Variants in SLC25A53 observed in about 807,000 individuals in gnomAD.
SLC25A53 encodes mitochondrial carrier triple repeat protein 6.
A neutral mutation model predicts 15.0 loss-of-function variants in SLC25A53; 5 were observed. The observed-to-expected ratio is 0.33, with a 90% confidence interval of 0.17 to 0.70. The LOEUF (loss-of-function observed/expected upper bound fraction) is 0.70, where lower values mean the gene tolerates loss of function less well. Ranked by LOEUF, SLC25A53 falls within the 30% of genes least tolerant of loss-of-function variation. SLC25A53 has a pLI of 0.67. For synonymous variants in SLC25A53, 95 were observed against 100.0 expected, an observed-to-expected ratio of 0.95 and a Z score of 0.30; for missense variants, 216 against 241.6, an observed-to-expected ratio of 0.89 and a Z score of 0.70.
Position 104,121,876 on chromosome X carries a change from TATATATATATATATATATATA to T in SLC25A53, c.-31-16609_-31-16589del, listed in dbSNP as rs1208816020. On this transcript the variant is annotated intron_variant, in intron 1 of 1. Transcript: ENST00000594199. Reference sequence around the variant, plus strand: ...CTAGACATCACATCAAATGGTATGATATATATATATATATATATATATATATATATATATATATATATATAT... The same window carrying T: ...CTAGACATCACATCAAATGGTATGATTATATATATATATATATATATATAT... Among the ~76,000 whole-genome samples, 96 of 49,778 alleles carry T rather than the reference TATATATATATATATATATATA, an allele frequency of 1.9e-3. 7 individuals are homozygous for T. Among genetic ancestry groups the T allele is most frequent in the African/African-American group, 3.9e-3 (44 of 11,306 alleles). The allele number at this position is 49,778 out of a possible 115,157, so 43.2% of individuals were successfully genotyped here. A position where few individuals can be genotyped will look rare whatever the true frequency, so the allele number is the denominator to read the frequency against.
chrX:104,115,371 G>A, intron 1 of SLC25A53: 2 of 1,059,881 alleles, frequency 1.9e-6, no homozygotes, highest in Non-Finnish European at 2.5e-6. Context: ...TCAGAGTCTG[G>A]TAATGGGAAT....
chrX:104,130,807 C>T (rs1169894678), intron 1 of SLC25A53: 1 of 111,829 alleles, frequency 8.9e-6, no homozygotes, highest in African/African-American at 3.3e-5. Flanking sequence ...CCTCCCACTC[C>T]ATCAGATCTT....
intron 1 of SLC25A53, among the ~76,000 whole-genome samples, chrX:104,153,974 A>G (rs1556370919): frequency 8.9e-6 from 1 of 112,340 alleles, no homozygotes; most frequent in Admixed American, 9.4e-5. Flanking sequence ...AAATAACAAA[A>G]GCAAAACTAG....
intron 1 of SLC25A53, among the ~76,000 whole-genome samples, chrX:104,123,628 A>G: frequency 9.1e-6 from 1 of 110,048 alleles, no homozygotes. Flanking sequence ...CAGGTTACAT[A>G]GGTATACACG....
chrX:104,147,104 G>C (rs1556369257), intron 1 of SLC25A53, among the ~76,000 whole-genome samples: 2 of 111,438 alleles, frequency 1.8e-5, no homozygotes, highest in African/African-American at 6.5e-5. Flanking sequence ...CCAAAACAGA[G>C]ATATAGATCA....
intron 1 of SLC25A53, among the ~76,000 whole-genome samples, chrX:104,148,045 C>T (rs1285107442): frequency 3.3e-4 from 37 of 111,128 alleles, no homozygotes; most frequent in African/African-American, 1.2e-3. Flanking sequence ...AGACTTGGAA[C>T]CAACCCAAAT....
At chrX:104,120,165 A>C (rs2075389143) in intron 1 of SLC25A53, among the ~76,000 whole-genome samples, 1 of 111,845 alleles carries the variant, frequency 8.9e-6, no homozygotes, top group African/African-American at 3.3e-5. Flanking sequence ...AATTATGAAA[A>C]ATGTTGCTAA....
intron 1 of SLC25A53, chrX:104,112,063 G>A (rs1245434489): frequency 9.0e-6 from 1 of 111,632 alleles, no homozygotes; most frequent in Non-Finnish European, 1.9e-5. Flanking sequence ...CCTGTTAAAT[G>A]GGCACACTAC....
chrX:104,156,843 G>A (rs1199124297), intron 1 of SLC25A53, 35 bp downstream of exon 1: 1 of 111,792 alleles, frequency 8.9e-6, no homozygotes, highest in African/African-American at 3.3e-5. Context: ...AGCAGGATGT[G>A]TCTACGCCCT....
chrX:104,156,082 GA>G (rs11421196), intron 1 of SLC25A53, among the ~76,000 whole-genome samples: 28 of 96,028 alleles, frequency 2.9e-4, no homozygotes, highest in African/African-American at 3.8e-4. Flanking sequence ...AAGAAAGAAA[GA>G]AAAAAAAAAA....
intron 1 of SLC25A53, among the ~76,000 whole-genome samples, chrX:104,128,033 C>T (rs909589035): frequency 1.8e-5 from 2 of 111,103 alleles, no homozygotes; most frequent in African/African-American, 3.3e-5. Flanking sequence ...GTAGCCTTGG[C>T]GAATTTCTTT....
chrX:104,130,131 T>A (rs2075422084), intron 1 of SLC25A53, among the ~76,000 whole-genome samples: 1 of 111,105 alleles, frequency 9.0e-6, no homozygotes, highest in African/African-American at 3.3e-5. Context: ...CAAACTGCCA[T>A]CCACCACCAA....
intron 1 of SLC25A53, among the ~76,000 whole-genome samples, chrX:104,116,848 C>T (rs982297233): frequency 1.1e-4 from 12 of 111,352 alleles, no homozygotes; most frequent in African/African-American, 3.9e-4. Context: ...GCTTCATCCA[C>T]ATCCCCATAA....
chrX:104,125,215 T>C, intron 1 of SLC25A53, among the ~76,000 whole-genome samples: 1 of 85,431 alleles, frequency 1.2e-5, no homozygotes, highest in East Asian at 3.6e-4. Flanking sequence ...CACAGTCTGG[T>C]CTGGGGTGTG....
rs2075315925 is a variant in SLC25A53, at chrX:104,107,202, C to T, written c.-31-1914G>A. ...TCCATTTTCTCACAATCTCACTTTA[C>T]CACCACGCCCCTCCCCTGGAGCCAC... On this transcript the variant is annotated intron_variant, in intron 1 of 1. Transcript: ENST00000594199. Among the ~76,000 whole-genome samples the T allele has an allele frequency of 1.8e-5, 2 of 111,669 alleles. 1 individual carries two copies. The highest frequency in any genetic ancestry group is 7.6e-4 in the South Asian group (2 of 2,635).
intron 1 of SLC25A53, among the ~76,000 whole-genome samples, chrX:104,148,780 T>C (rs1432319598): frequency 2.7e-5 from 3 of 111,405 alleles, no homozygotes; most frequent in Non-Finnish European, 3.8e-5. Flanking sequence ...CATGTATACC[T>C]ATGTAACAAA....
intron 1 of SLC25A53, chrX:104,115,337 C>A: frequency 8.8e-7 from 1 of 1,140,676 alleles, no homozygotes; most frequent in Non-Finnish European, 1.2e-6. Context: ...TCTAGTCCAG[C>A]CCTAAATGAG....
intron 1 of SLC25A53, chrX:104,114,367 T>C (rs1556360419): frequency 7.4e-6 from 9 of 1,211,642 alleles, no homozygotes; most frequent in Non-Finnish European, 1.0e-5. Flanking sequence ...ACTCAAGCGC[T>C]TGATGAAAAC....
chrX:104,133,346 G>A (rs1437228536), intron 1 of SLC25A53, among the ~76,000 whole-genome samples: 4 of 111,323 alleles, frequency 3.6e-5, no homozygotes, highest in African/African-American at 1.3e-4. Context: ...AGGACACAGA[G>A]GAAAATATGC....
Sources: allele counts gnomAD v4.1 joint callset (sites outside exome capture counted in the v4.1 genomes callset), GRCh38; gene constraint gnomAD v4.1.1; transcripts MANE v1.5; gene names NCBI Gene and HGNC (gene_info 2026-07-23, HGNC 2026-07-21).